Variants in GOLGA4 observed in about 807,000 individuals in gnomAD.
GOLGA4 encodes golgin A4.
GOLGA4 carries 169 observed loss-of-function variants against 265.9 expected under a neutral mutation model. That is an observed-to-expected ratio of 0.64 (90% CI 0.56 to 0.72). GOLGA4 has a LOEUF of 0.72. Among genes scored for constraint, GOLGA4 ranks in the 30% least tolerant of loss-of-function variants. GOLGA4 has a pLI of 0.00. For synonymous variants in GOLGA4, 923 were observed against 855.8 expected, an observed-to-expected ratio of 1.08 and a Z score of -1.37; for missense variants, 2,482 against 2,483.4, an observed-to-expected ratio of 1.00 and a Z score of 0.01.
chr3:37,356,009 G>A (rs996837598), intron 22 of GOLGA4, among the ~76,000 whole-genome samples: 42 of 152,182 alleles, frequency 2.8e-4, no homozygotes, highest in Non-Finnish European at 5.7e-4. Flanking sequence ...TGGTGGGTTA[G>A]CGTGTGTCTG....
chr3:37,337,840 C>T (rs1361727667), intron 19 of GOLGA4, 106 bp downstream of exon 19: 1 of 682,220 alleles, frequency 1.5e-6, no homozygotes, highest in East Asian at 2.7e-5. Context: ...TTCAGTCTTA[C>T]ACCCAGGAAA....
At chr3:37,266,347 G>T (rs1006087579) in intron 2 of GOLGA4, among the ~76,000 whole-genome samples, 1 of 151,924 alleles carries the variant, frequency 6.6e-6, no homozygotes, top group Non-Finnish European at 1.5e-5. Flanking sequence ...CTACAGGTGC[G>T]CACCACTATG....
chr3:37,360,021 T>C (rs2097100373), intron 22 of GOLGA4, among the ~76,000 whole-genome samples: 1 of 152,198 alleles, frequency 6.6e-6, no homozygotes, highest in African/African-American at 2.4e-5. Flanking sequence ...TCCCTCATGA[T>C]CTTCAGCCTC....
chr3:37,295,810 T>C (rs939287730), intron 6 of GOLGA4, among the ~76,000 whole-genome samples: 6 of 152,242 alleles, frequency 3.9e-5, no homozygotes, highest in African/African-American at 1.4e-4. Context: ...TTTTTTCTTC[T>C]CATTATTTTC....
At chr3:37,333,712 G>A (rs2096999393) in intron 16 of GOLGA4, among the ~76,000 whole-genome samples, 1 of 152,034 alleles carries the variant, frequency 6.6e-6, no homozygotes, top group African/African-American at 2.4e-5. Context: ...TTTAGAGGTG[G>A]AGGCCAAATT....
At chr3:37,315,343 C>A in intron 10 of GOLGA4, 77 bp from the exon 11 acceptor site, 2 of 1,284,554 alleles carry the variant, frequency 1.6e-6, no homozygotes, top group Non-Finnish European at 2.2e-6. Context: ...TCTTAGTTCT[C>A]AAAAATTGAA....
At chr3:37,307,883 A>G (rs1450331676) in intron 10 of GOLGA4, among the ~76,000 whole-genome samples, 2 of 152,174 alleles carry the variant, frequency 1.3e-5, no homozygotes, top group Non-Finnish European at 2.9e-5. Flanking sequence ...AATATTTTTC[A>G]ACATTAGCCT....
chr3:37,325,217 T>G lies in GOLGA4; in HGVS notation c.3331T>G (p.Leu1111Val). ...GVKQDTTLNE[L>V]QEQLKQKSAH... Reference sequence around the variant, plus strand: ...TAAGCAGGATACAACATTAAATGAATTACAGGAACAGTTAAAGCAGAAGTC... The same window carrying G: ...TAAGCAGGATACAACATTAAATGAAGTACAGGAACAGTTAAAGCAGAAGTC... The change falls in exon 14 of 24, where the codon TTA (leucine) becomes GTA (valine). Residue 1111 changes from leucine (L) to valine (V), a missense_variant. This residue lies in a region of GOLGA4 where 1,536 missense variants were observed against 1,483.7 expected (regional missense o/e 1.04). Coordinates refer to ENST00000361924, the MANE Select transcript of GOLGA4 (RefSeq NM_002078.5). 6.2e-7 allele frequency: 1 copy of G among 1,612,756 alleles called. No homozygotes were observed. The highest frequency in any genetic ancestry group is 8.5e-7 in the Non-Finnish European group (1 of 1,179,082).
chr3:37,269,665 G>T (rs2096792823), intron 2 of GOLGA4, among the ~76,000 whole-genome samples: 1 of 152,130 alleles, frequency 6.6e-6, no homozygotes, highest in African/African-American at 2.4e-5. Flanking sequence ...GGCACAAATG[G>T]AGAAGGCATT....
At chr3:37,281,606 A>T (rs2096834806) in intron 2 of GOLGA4, among the ~76,000 whole-genome samples, 1 of 152,230 alleles carries the variant, frequency 6.6e-6, no homozygotes, top group Non-Finnish European at 1.5e-5. Context: ...ACCTTCAAGG[A>T]TCTCACAGTT....
At position 37,323,796 on chromosome 3, in the gene GOLGA4, A is replaced by C; in HGVS notation, c.1910A>C (p.Gln637Pro). 6.2e-7 allele frequency: 1 copy of C among 1,609,482 alleles called. No homozygotes were observed. Among genetic ancestry groups the C allele is most frequent in the Non-Finnish European group, 8.5e-7 (1 of 1,178,930 alleles). The part of the protein sequence containing the change: ...WTEKLQVLKQ[Q>P]YQTEMEKLRE... ...GAAAAACTCCAAGTCTTAAAGCAAC[A>C]ATATCAGACTGAAATGGAAAAACTT... is the stretch of plus-strand genomic sequence containing the variant. Residue 637 changes from glutamine to proline, a missense_variant, in exon 14 of 24, where the codon CAA becomes CCA. Gln to Pro is a moderately conservative substitution (Grantham distance 76, BLOSUM62 -1). This residue lies in a region of GOLGA4 where 1,536 missense variants were observed against 1,483.7 expected (regional missense o/e 1.04). Transcript: ENST00000361924.
chr3:37,325,134 T>C lies in GOLGA4; in HGVS notation c.3248T>C (p.Phe1083Ser). Residue 1083 changes from phenylalanine to serine, a missense_variant, in exon 14 of 24, where the codon TTT (phenylalanine) becomes TCT (serine). This residue lies in a region of GOLGA4 where 1,536 missense variants were observed against 1,483.7 expected (regional missense o/e 1.04). Coordinates refer to ENST00000361924, the MANE Select transcript of GOLGA4 (RefSeq NM_002078.5). ...GAACTGAAACAAAAGATCCTCCTATTTGGGTGTGAAAAAGAAGAGATGAAC... is the reference window on the plus strand; with the variant it reads ...GAACTGAAACAAAAGATCCTCCTATCTGGGTGTGAAAAAGAAGAGATGAAC... ...VAELKQKILL[F>S]GCEKEEMNKE... 1 of 1,613,396 alleles carries C rather than the reference T, an allele frequency of 6.2e-7. No homozygotes were observed. Among genetic ancestry groups the C allele is most frequent in the Non-Finnish European group, 8.5e-7 (1 of 1,179,652 alleles).
intron 4 of GOLGA4, among the ~76,000 whole-genome samples, chr3:37,288,821 C>T (rs900070983): frequency 6.6e-5 from 10 of 152,094 alleles, no homozygotes; most frequent in African/African-American, 1.9e-4. Context: ...GTTTCTAAGC[C>T]ACAAAAACCT....
chr3:37,292,641 C>T (rs1176796757), intron 5 of GOLGA4, among the ~76,000 whole-genome samples: 3 of 151,834 alleles, frequency 2.0e-5, no homozygotes, highest in African/African-American at 2.4e-5. Context: ...GAGCCTAGAT[C>T]GCACCACTGC....
At chr3:37,295,866 T>C (rs2150840202) in intron 6 of GOLGA4, among the ~76,000 whole-genome samples, 1 of 152,344 alleles carries the variant, frequency 6.6e-6, no homozygotes, top group East Asian at 1.9e-4. Flanking sequence ...ATTTTCATTA[T>C]TTAGGTAGTT....
intron 21 of GOLGA4, 65 bp downstream of exon 21, chr3:37,347,361 A>G (rs2097059627): frequency 1.1e-6 from 1 of 885,482 alleles, no homozygotes; most frequent in Non-Finnish European, 1.9e-6. Flanking sequence ...TCCACTTTTA[A>G]TACACATGTG....
intron 22 of GOLGA4, among the ~76,000 whole-genome samples, chr3:37,355,935 A>C (rs9813444): frequency 0.015 from 2,266 of 152,018 alleles, 52 homozygotes; most frequent in African/African-American, 0.052. Context: ...TACCTATTTC[A>C]TCATACCAGC....
intron 16 of GOLGA4, among the ~76,000 whole-genome samples, chr3:37,331,010 G>A (rs1343792842): frequency 3.7e-5 from 5 of 136,070 alleles, no homozygotes; most frequent in Non-Finnish European, 7.6e-5. Flanking sequence ...CAGCCTGGGC[G>A]ACAGAGTGAG....
At position 37,274,806 on chromosome 3, in the gene GOLGA4, A is replaced by G. The variant is rs867517240; in HGVS notation, c.163-7152A>G. 3.9e-5 allele frequency among the ~76,000 whole-genome samples: 6 copies of G among 152,296 alleles called. No individual in the cohort carries two copies. The South Asian group carries it at 8.3e-4, about 21-fold the overall frequency. ...TGTTCTTAGTAGTCCCTAATGTAAA[A>G]TAGTATTATTTCTAATTCTGTGAAC... On this transcript the variant is annotated intron_variant, in intron 2 of 23. Coordinates refer to ENST00000361924, the MANE Select transcript of GOLGA4 (RefSeq NM_002078.5).
Sources: allele counts gnomAD v4.1 joint callset (sites outside exome capture counted in the v4.1 genomes callset), GRCh38; gene constraint gnomAD v4.1.1; regional missense constraint gnomAD v4.1.1; transcripts MANE v1.5; gene names NCBI Gene and HGNC (gene_info 2026-07-23, HGNC 2026-07-21).